Variants in GPR157 observed in about 807,000 individuals in gnomAD.
The protein encoded by GPR157 is G-protein coupled receptor 157.
GPR157 carries 16 observed loss-of-function variants against 23.5 expected under a neutral mutation model. That is an observed-to-expected ratio of 0.68 (90% CI 0.46 to 1.04). The LOEUF is 1.04. Among genes scored for constraint, GPR157 ranks in the 50% least tolerant of loss-of-function variants. GPR157 has a pLI of 0.00. For missense variants in GPR157, 440 were observed against 460.7 expected (o/e 0.96, Z 0.41); for synonymous variants, 200 against 221.5 (o/e 0.90, Z 0.86).
In GPR157 at chr1:9,101,421, C is replaced by G. The variant is rs1642565592; in HGVS notation, c.*2998G>C. On this transcript the variant is annotated 3_prime_UTR_variant, in exon 4 of 4. Coordinates refer to ENST00000377411, the MANE Select transcript of GPR157 (RefSeq NM_024980.5). ...CCTTTCTGTCTGAGCACTACCCACC[C>G]AGCTAGACTGACTTGGTAACTGGAT... The G allele has an allele frequency of 6.6e-6, 1 of 152,256 alleles. No individual in the cohort carries two copies. The highest frequency in any genetic ancestry group is 1.5e-5 in the Non-Finnish European group (1 of 68,126). 9.4% of individuals were successfully genotyped at this position (152,256 alleles called of 1,614,324 possible). A position where few individuals can be genotyped will look rare whatever the true frequency, so the allele number is the denominator to read the frequency against.
chr1:9,108,817 T>TCG (rs1638408782), intron 2 of GPR157, among the ~76,000 whole-genome samples: 1 of 151,028 alleles, frequency 6.6e-6, no homozygotes, highest in Non-Finnish European at 1.5e-5. Context: ...AGAAGGAGTC[T>TCG]CTCTGTCACC....
At chr1:9,125,418 C>T (rs560899712) in intron 1 of GPR157, among the ~76,000 whole-genome samples, 5 of 152,156 alleles carry the variant, frequency 3.3e-5, no homozygotes, top group Non-Finnish European at 7.4e-5. Context: ...ATGAATGGAA[C>T]AGCACTCTGC....
chr1:9,119,680 C>T (rs1638759304), intron 1 of GPR157, among the ~76,000 whole-genome samples: 1 of 152,210 alleles, frequency 6.6e-6, no homozygotes. Context: ...GACTTGGAAA[C>T]TCCCTACCCC....
intron 1 of GPR157, among the ~76,000 whole-genome samples, chr1:9,113,600 TG>T (rs1191162122): frequency 6.6e-6 from 1 of 152,012 alleles, no homozygotes; most frequent in African/African-American, 2.4e-5. Flanking sequence ...GTGGCCTCGG[TG>T]GCAGGAGGCA....
chr1:9,116,730 G>GAA (rs70985593), intron 1 of GPR157, among the ~76,000 whole-genome samples: 3 of 122,538 alleles, frequency 2.4e-5, no homozygotes, highest in Non-Finnish European at 3.5e-5. Flanking sequence ...GGTGACAGAG[G>GAA]AAAAAAAAAA....
At chr1:9,106,381 G>C (rs199813907) in intron 2 of GPR157, among the ~76,000 whole-genome samples, 1 of 151,906 alleles carries the variant, frequency 6.6e-6, no homozygotes, top group South Asian at 2.1e-4. Context: ...TTGAAAACCC[G>C]AGTCTGCTCC....
rs1196786470 is a variant in GPR157, at chr1:9,123,344, AT to A, written c.383+5300del. Among the ~76,000 whole-genome samples the A allele has an allele frequency of 3.6e-4, 12 of 33,036 alleles. No individual in the cohort carries two copies. The East Asian group carries it at 0.02, about 55-fold the overall frequency. The allele number at this position is 33,036 out of a possible 152,430, so 21.7% of individuals were successfully genotyped here. ...AAATATATATATTTAATTTAAATATATATATTTAATTTAAATATATATTTAA... is the reference window on the plus strand; with the variant it reads ...AAATATATATATTTAATTTAAATATAATATTTAATTTAAATATATATTTAA... On this transcript the variant is annotated intron_variant, in intron 1 of 3. Transcript: ENST00000377411.
chr1:9,123,660 AATATATATTTAATATTAAATAT>A (rs1350801766), intron 1 of GPR157, among the ~76,000 whole-genome samples: 1 of 111,544 alleles, frequency 9.0e-6, no homozygotes, highest in East Asian at 2.3e-4. Context: ...ATATATATTA[AATATATATTTAATATTAAATAT>A]ATATTTAATA....
intron 1 of GPR157, among the ~76,000 whole-genome samples, chr1:9,123,171 A>AT (rs1465021485): frequency 1.5e-5 from 2 of 129,576 alleles, no homozygotes; most frequent in African/African-American, 5.9e-5. Context: ...GGGAAAAAAA[A>AT]AAAATATATA....
At chr1:9,111,683 G>T (rs187689727) in intron 1 of GPR157, among the ~76,000 whole-genome samples, 194 bp from the exon 2 acceptor site, 1 of 152,340 alleles carries the variant, frequency 6.6e-6, no homozygotes, top group Non-Finnish European at 1.5e-5. Flanking sequence ...ATTCTTCGGG[G>T]ACTGGCATTA....
chr1:9,110,073 C>T (rs928582643), intron 2 of GPR157, among the ~76,000 whole-genome samples: 1 of 152,292 alleles, frequency 6.6e-6, no homozygotes, highest in South Asian at 2.1e-4. Context: ...TTCCTCTGGA[C>T]CTATCTTACT....
At chr1:9,108,529 C>T (rs1638399179) in intron 2 of GPR157, among the ~76,000 whole-genome samples, 1 of 152,212 alleles carries the variant, frequency 6.6e-6, no homozygotes, top group Non-Finnish European at 1.5e-5. Context: ...TGGGATACTT[C>T]ATCAGGGGTC....
At position 9,128,958 on chromosome 1, in the gene GPR157, G is replaced by C; in HGVS notation, c.70C>G (p.Leu24Val). The C allele has an allele frequency of 5.4e-6, 8 of 1,492,366 alleles. No homozygotes were observed. Among genetic ancestry groups the C allele is most frequent in the Non-Finnish European group, 7.1e-6 (8 of 1,123,098 alleles). 92.4% of individuals were successfully genotyped at this position (1,492,366 alleles called of 1,614,324 possible). ...ERAVVLLSCA[L>V]SALGSGLLVA... ...AGCAGGCCCGAGCCGAGCGCGGAGAGTGCGCACGACAGCAGCACCACGGCG... is the reference window on the plus strand; with the variant it reads ...AGCAGGCCCGAGCCGAGCGCGGAGACTGCGCACGACAGCAGCACCACGGCG... Residue 24 changes from leucine (L) to valine (V), a missense_variant, in exon 1 of 4, where the codon CTC becomes GTC. Coordinates refer to ENST00000377411, the MANE Select transcript of GPR157 (RefSeq NM_024980.5). This position sits in a 1 kb window ranked among gnomAD's most constrained non-coding sequence, Gnocchi z 6.3.
At chr1:9,116,309 T>TATATAATTATATATATTA (rs1466795332) in intron 1 of GPR157, among the ~76,000 whole-genome samples, 1 of 6,986 alleles carries the variant, frequency 1.4e-4, no homozygotes, top group Non-Finnish European at 1.9e-4. Flanking sequence ...ATATATTATA[T>TATATAATTATATATATTA]TATATATAAT....
chr1:9,105,379 G>T lies in GPR157; in HGVS notation c.792+107C>A. 2.0e-6 allele frequency: 2 copies of T among 1,023,100 alleles called. No homozygotes were observed. The highest frequency in any genetic ancestry group is 2.8e-6 in the Non-Finnish European group (2 of 706,312). The allele number at this position is 1,023,100 out of a possible 1,614,324, so 63.4% of individuals were successfully genotyped here. ...CAGTGGGGCCGAGCTCCTCCCTGCA[G>T]CTGTGCCTTGGCCGACACTGGGGTG... On this transcript the variant is annotated intron_variant, in intron 3 of 3. Coordinates refer to ENST00000377411, the MANE Select transcript of GPR157 (RefSeq NM_024980.5). This position sits in a 1 kb window ranked among gnomAD's most constrained non-coding sequence, Gnocchi z 4.8.
At chr1:9,124,043 T>C (rs1009268018) in intron 1 of GPR157, among the ~76,000 whole-genome samples, 2 of 151,946 alleles carry the variant, frequency 1.3e-5, no homozygotes, top group African/African-American at 4.8e-5. Context: ...TTGCCCAGGC[T>C]GGTCTCAAAC....
rs116237446 is a variant in GPR157, at chr1:9,120,463, A to G, written c.383+8182T>C. On this transcript the variant is annotated intron_variant, in intron 1 of 3. Transcript: ENST00000377411. This position sits in a 1 kb window ranked among gnomAD's most constrained non-coding sequence, Gnocchi z 4.1. ...AACAATATGCCAATTTAAAAACCTCAGGACAGAGCAGGGCTGGGGGAAGCC... is the reference window on the plus strand; with the variant it reads ...AACAATATGCCAATTTAAAAACCTCGGGACAGAGCAGGGCTGGGGGAAGCC... 3.4e-3 allele frequency among the ~76,000 whole-genome samples: 521 copies of G among 152,322 alleles called. 6 individuals carry two copies. Among genetic ancestry groups the G allele is most frequent in the African/African-American group, 0.012 (500 of 41,570 alleles).
intron 1 of GPR157, among the ~76,000 whole-genome samples, chr1:9,114,629 C>G (rs959315821): frequency 6.6e-6 from 1 of 152,168 alleles, no homozygotes; most frequent in African/African-American, 2.4e-5. Flanking sequence ...CACACGGAAC[C>G]GCACTCTGTA....
chr1:9,111,464 C>T lies in GPR157; in HGVS notation c.409G>A (p.Val137Met), dbSNP rs1638494303. The change falls in exon 2 of 4, where the codon GTG (valine) becomes ATG (methionine). Residue 137 changes from valine to methionine, a missense_variant. Physicochemically the swap from Val to Met is conservative, Grantham distance 21. Transcript: ENST00000377411. ...VSWGVPLVITVAAVALKKIGY... is the reference protein window; with the variant it reads ...VSWGVPLVITMAAVALKKIGY... The stretch of plus-strand genomic sequence containing the variant: ...ATCTTCTTCAGGGCGACGGCTGCCA[C>T]AGTGATGACCAACGGGACCCCCCAG... 2 of 1,613,776 alleles carry T rather than the reference C, an allele frequency of 1.2e-6. No homozygotes were observed. The highest frequency in any genetic ancestry group is 2.7e-5 in the African/African-American group (2 of 74,918).
Sources: gnomAD v4.1 joint callset for allele counts (sites outside exome capture counted in the v4.1 genomes callset) on GRCh38, gnomAD v4.1.1 for gene constraint, Gnocchi (gnomAD v3.1) non-coding constraint, MANE v1.5 for transcripts, NCBI Gene and HGNC (gene_info 2026-07-23, HGNC 2026-07-21) for gene names.